CA7: variants seen among roughly 807,000 people sequenced by gnomAD.
CA7 encodes the protein carbonate dehydratase VII.
CA7 carries 13 observed loss-of-function variants against 31.4 expected under a neutral mutation model. The ratio of observed to expected loss-of-function variants is 0.41; its 90% CI spans 0.27 to 0.66. CA7 has a LOEUF of 0.66. CA7 is among the 30% of genes least tolerant of loss of function. CA7 has a pLI of 0.28. For synonymous variants in CA7, 128 were observed against 133.2 expected (o/e 0.96, Z 0.27); for missense variants, 215 against 351.0 (o/e 0.61, Z 3.10).
chr16:66,853,270 G>A lies in CA7; in HGVS notation c.673-106G>A. ...GGGACAGACCCTAAGGGAAGGAGGA[G>A]GGAGGGGTAGAGCTGGCTGGGCAGG... is the stretch of plus-strand genomic sequence containing the variant. On this transcript the variant is annotated intron_variant, in intron 6 of 6. Coordinates refer to ENST00000338437, the MANE Select transcript of CA7 (RefSeq NM_005182.3). This position sits in a 1 kb window ranked among gnomAD's most constrained non-coding sequence, Gnocchi z 4.5. 7.2e-7 allele frequency: 1 copy of A among 1,392,652 alleles called. No individual in the cohort carries two copies. The highest frequency in any genetic ancestry group is 1.0e-6 in the Non-Finnish European group (1 of 995,230). 86.3% of individuals were successfully genotyped at this position (1,392,652 alleles called of 1,614,324 possible). A position where few individuals can be genotyped will look rare whatever the true frequency, so the allele number is the denominator to read the frequency against.
chr16:66,844,820 C>A (rs1184064882), intron 1 of CA7: 7 of 887,714 alleles, frequency 7.9e-6, no homozygotes, highest in African/African-American at 1.8e-5. Flanking sequence ...CAGACCCAGG[C>A]CCAGACTCTC....
intron 2 of CA7, among the ~76,000 whole-genome samples, chr16:66,848,216 T>C (rs574099141): frequency 3.9e-5 from 6 of 152,016 alleles, no homozygotes; most frequent in South Asian, 2.1e-4. Context: ...AGAAAGAGGA[T>C]TGATTATAGT....
intron 2 of CA7, among the ~76,000 whole-genome samples, chr16:66,849,442 T>C (rs1960993283): frequency 6.6e-6 from 1 of 152,204 alleles, no homozygotes. Context: ...GAGATACTAG[T>C]TCATACCCTA....
At chr16:66,852,602 G>T in intron 5 of CA7, 110 bp from the exon 6 acceptor site, 1 of 600,288 alleles carries the variant, frequency 1.7e-6, no homozygotes, top group Admixed American at 3.8e-5. Context: ...AAAAAGAAAA[G>T]AAAAGAAAAA....
At chr16:66,844,569 G>A (rs896616611) in intron 1 of CA7, 42 bp downstream of exon 1, 15 of 1,499,674 alleles carry the variant, frequency 1.0e-5, no homozygotes, top group African/African-American at 9.9e-5. Context: ...TCGGACCCCC[G>A]ACCCAACTGC....
In CA7 at chr16:66,853,560, G is replaced by A. The variant is rs1206454982; in HGVS notation, c.*62G>A. 2.5e-6 allele frequency: 4 copies of A among 1,600,580 alleles called. No homozygotes were observed. Among genetic ancestry groups the A allele is most frequent in the Non-Finnish European group, 3.4e-6 (4 of 1,174,636 alleles). ...CTTCTCAAGGGCTTCCATGTCAGCA[G>A]ACACCAAACCATCTGAGGCTTCCTC... On this transcript the variant is annotated 3_prime_UTR_variant, in exon 7 of 7. Coordinates refer to ENST00000338437, the MANE Select transcript of CA7 (RefSeq NM_005182.3). The surrounding 1 kb of genome is among the most constrained non-coding windows in gnomAD (Gnocchi z 4.5).
At chr16:66,852,975 T>G in intron 6 of CA7, 108 bp downstream of exon 6, 1 of 975,542 alleles carries the variant, frequency 1.0e-6, no homozygotes, top group Non-Finnish European at 1.5e-6. Flanking sequence ...ACCTTCAAGG[T>G]TCCTCCCCAT....
chr16:66,851,641 T>C, intron 4 of CA7, 23 bp from the exon 5 acceptor site: 2 of 1,613,888 alleles, frequency 1.2e-6, no homozygotes, highest in Non-Finnish European at 1.7e-6. Context: ...GGCTCTGGGC[T>C]CACACTGCCC....
Position 66,853,378 on chromosome 16 carries a change from G to A in CA7, c.675G>A (p.Met225Ile), listed in dbSNP as rs1961107981. The change falls in exon 7 of 7, where the codon ATG becomes ATA. Residue 225 changes from methionine to isoleucine, a missense_variant and splice_region_variant. Met to Ile is a conservative substitution (Grantham distance 10, BLOSUM62 1). Coordinates refer to ENST00000338437, the MANE Select transcript of CA7 (RefSeq NM_005182.3). This position sits in a 1 kb window ranked among gnomAD's most constrained non-coding sequence, Gnocchi z 4.5. ...AGCATTCCTTCTGCTTCCTCAAGAT[G>A]GGGAAGTTCCGGAGCCTGCTTTTTA... ...REPICISERQMGKFRSLLFTS... is the reference protein window; with the variant it reads ...REPICISERQIGKFRSLLFTS... 4 of 1,614,114 alleles carry A rather than the reference G, an allele frequency of 2.5e-6. No homozygotes were observed. Among genetic ancestry groups the A allele is most frequent in the Non-Finnish European group, 3.4e-6 (4 of 1,180,008 alleles).
Position 66,844,494 on chromosome 16 carries a change from G to C in CA7, c.7G>C (p.Gly3Arg), listed in dbSNP as rs538016582. 5 of 1,542,608 alleles carry C rather than the reference G, an allele frequency of 3.2e-6. No homozygotes were observed. Among genetic ancestry groups the C allele is most frequent in the Admixed American group, 4.0e-5 (2 of 50,510 alleles). Residue 3 changes from glycine (G) to arginine (R), a missense_variant, in exon 1 of 7, where the codon GGC (glycine) becomes CGC (arginine). Physicochemically the swap from Gly to Arg is moderately radical, Grantham distance 125. Transcript: ENST00000338437. MTGHHGWGYGQDD... is the reference protein window; with the variant it reads MTRHHGWGYGQDD... ...CTGCGGGGACGGCAGCGGCATGACC[G>C]GCCACCACGGCTGGGGCTACGGCCA...
At chr16:66,849,240 C>T (rs1169707569) in intron 2 of CA7, among the ~76,000 whole-genome samples, 1 of 152,150 alleles carries the variant, frequency 6.6e-6, no homozygotes, top group Non-Finnish European at 1.5e-5. Flanking sequence ...GTTACAAAGC[C>T]AGCACAAGTG....
In CA7 at chr16:66,853,471, C is replaced by G; in HGVS notation, c.768C>G (p.Arg256=). The G allele has an allele frequency of 1.2e-6, 2 of 1,614,158 alleles. No individual in the cohort carries two copies. The highest frequency in any genetic ancestry group is 2.2e-5 in the South Asian group (2 of 91,082). Residue 256 remains arginine, a synonymous_variant, in exon 7 of 7, where the codon CGC becomes CGG. Transcript: ENST00000338437. This position sits in a 1 kb window ranked among gnomAD's most constrained non-coding sequence, Gnocchi z 4.5. ...GGCCACCACAGCCACTGAAGGGCCG[C>G]GTGGTAAAGGCCTCCTTCCGGGCCT... ...NFRPPQPLKG[R]VVKASFRA
At chr16:66,846,342 C>A (rs1960928865) in intron 1 of CA7, among the ~76,000 whole-genome samples, 1 of 152,088 alleles carries the variant, frequency 6.6e-6, no homozygotes. Context: ...ATGTTCTGGG[C>A]CTGGCTGCTC....
intron 2 of CA7, among the ~76,000 whole-genome samples, chr16:66,847,914 C>G (rs1302736760): frequency 1.3e-5 from 2 of 152,200 alleles, no homozygotes; most frequent in Non-Finnish European, 2.9e-5. Flanking sequence ...AATTCCTAGA[C>G]AGGAGTGCTG....
intron 3 of CA7, 35 bp from the exon 4 acceptor site, chr16:66,851,428 G>A (rs1340099273): frequency 1.9e-6 from 3 of 1,562,548 alleles, no homozygotes; most frequent in African/African-American, 2.7e-5. Context: ...TTGCCTCTGG[G>A]AGGCACGAAG....
At chr16:66,848,551 C>T (rs376181033) in intron 2 of CA7, among the ~76,000 whole-genome samples, 2 of 152,296 alleles carry the variant, frequency 1.3e-5, no homozygotes, top group East Asian at 1.9e-4. Context: ...CTCCCTCCCC[C>T]ACCCAGAATG....
chr16:66,852,124 A>G (rs1961069387), intron 5 of CA7, among the ~76,000 whole-genome samples: 1 of 152,092 alleles, frequency 6.6e-6, no homozygotes, highest in Admixed American at 6.6e-5. Flanking sequence ...TTTGCTCACA[A>G]TTTGCATCAG....
At chr16:66,851,034 C>T (rs1368406924) in intron 3 of CA7, among the ~76,000 whole-genome samples, 1 of 152,206 alleles carries the variant, frequency 6.6e-6, no homozygotes, top group Non-Finnish European at 1.5e-5. Context: ...CTGTCCACAC[C>T]TGGCTCCTTC....
intron 5 of CA7, 21 bp from the exon 6 acceptor site, chr16:66,852,691 G>C (rs1961089781): frequency 1.2e-6 from 2 of 1,604,614 alleles, no homozygotes; most frequent in South Asian, 2.2e-5. Context: ...CTGATTCCTG[G>C]GTTCCTCCAC....
Sources: allele counts gnomAD v4.1 joint callset (sites outside exome capture counted in the v4.1 genomes callset), GRCh38; gene constraint gnomAD v4.1.1; non-coding constraint Gnocchi (gnomAD v3.1); transcripts MANE v1.5; gene names NCBI Gene and HGNC (gene_info 2026-07-23, HGNC 2026-07-21).